Variants in CCDC13 observed in about 807,000 individuals in gnomAD.
CCDC13 encodes coiled-coil domain containing 13.
Under a neutral mutation model 87.3 loss-of-function variants are expected in CCDC13, and 70 were observed. The observed-to-expected ratio is 0.80, with a 90% confidence interval of 0.66 to 0.98. The LOEUF (loss-of-function observed/expected upper bound fraction) is 0.98, where lower values mean the gene tolerates loss of function less well. Among genes scored for constraint, CCDC13 ranks in the 50% least tolerant of loss-of-function variants. The pLI, the probability that CCDC13 is intolerant of heterozygous loss-of-function variation, is 0.00. For missense variants in CCDC13, 842 were observed against 892.0 expected (o/e 0.94, Z 0.71); for synonymous variants, 317 against 360.3 (o/e 0.88, Z 1.36).
chr3:42,722,374 C>G (rs923256817), intron 13 of CCDC13, among the ~76,000 whole-genome samples: 8 of 152,168 alleles, frequency 5.3e-5, no homozygotes, highest in Admixed American at 3.3e-4. Flanking sequence ...TGAACAAGAG[C>G]AACTCCATCT....
intron 1 of CCDC13, among the ~76,000 whole-genome samples, chr3:42,769,012 C>A (rs1699994860): frequency 6.6e-6 from 1 of 151,852 alleles, no homozygotes; most frequent in Non-Finnish European, 1.5e-5. Context: ...GTGGCAGGAG[C>A]CTGTAATCCC....
At chr3:42,749,397 C>T (rs1699513812) in intron 5 of CCDC13, among the ~76,000 whole-genome samples, 1 of 152,254 alleles carries the variant, frequency 6.6e-6, no homozygotes. Flanking sequence ...AGAACCTGGG[C>T]AGTGATGCCC....
intron 5 of CCDC13, 130 bp downstream of exon 5, chr3:42,751,806 A>G (rs1296408262): frequency 1.4e-5 from 10 of 722,368 alleles, no homozygotes; most frequent in Non-Finnish European, 2.4e-5. Context: ...GACAATGGGC[A>G]CCTGGCTCGG....
In CCDC13 at chr3:42,747,390, G is replaced by C; in HGVS notation, c.604-17C>G. 1.3e-6 allele frequency: 2 copies of C among 1,559,694 alleles called. No individual in the cohort carries two copies. Among genetic ancestry groups the C allele is most frequent in the African/African-American group, 2.7e-5 (2 of 73,900 alleles). On this transcript the variant is annotated splice_polypyrimidine_tract_variant and intron_variant, in intron 5 of 15. Coordinates refer to ENST00000310232, the MANE Select transcript of CCDC13 (RefSeq NM_144719.4). Reference sequence around the variant, plus strand: ...GGTCTCCAGCTGGTTGGGAAGGACAGGAGAGAAAGTAGTCATTTATTGCCT... The same window carrying C: ...GGTCTCCAGCTGGTTGGGAAGGACACGAGAGAAAGTAGTCATTTATTGCCT...
intron 13 of CCDC13, chr3:42,719,510 G>A (rs1159650609): frequency 6.6e-6 from 1 of 152,026 alleles, no homozygotes; most frequent in South Asian, 2.1e-4. Context: ...GTCTTAAGCT[G>A]CAGCGAATCT....
intron 3 of CCDC13, among the ~76,000 whole-genome samples, chr3:42,754,659 T>G (rs766606821): frequency 2.0e-5 from 3 of 152,144 alleles, no homozygotes; most frequent in Non-Finnish European, 4.4e-5. Flanking sequence ...GCAAGCATAT[T>G]GGGGAAGGAA....
At chr3:42,724,698 A>T (rs1698647860) in intron 13 of CCDC13, among the ~76,000 whole-genome samples, 1 of 152,200 alleles carries the variant, frequency 6.6e-6, no homozygotes, top group Admixed American at 6.5e-5. Flanking sequence ...ATTGATTTTC[A>T]TTGTATTTCA....
rs1698896345 is a variant in CCDC13, at chr3:42,733,482, A to C, written c.1499T>G (p.Leu500Arg). Reference sequence around the variant, plus strand: ...ATTGTTTTCTTACCGAGAAGATCCAAGCCTGCCAACATGATCGCCTGCTGA... The same window carrying C: ...ATTGTTTTCTTACCGAGAAGATCCACGCCTGCCAACATGATCGCCTGCTGA... ...PASAGDHVGRLGSSRSVTSLG... is the reference protein window; with the variant it reads ...PASAGDHVGRRGSSRSVTSLG... Residue 500 changes from leucine to arginine, a missense_variant, in exon 11 of 16, where the codon CTT becomes CGT. Leu to Arg is a moderately radical substitution (Grantham distance 102). Coordinates refer to ENST00000310232, the MANE Select transcript of CCDC13 (RefSeq NM_144719.4). The C allele has an allele frequency of 6.2e-7, 1 of 1,614,040 alleles. No individual in the cohort carries two copies. Among genetic ancestry groups the C allele is most frequent in the East Asian group, 2.2e-5 (1 of 44,856 alleles).
At chr3:42,714,242 T>C (rs1698380310) in intron 13 of CCDC13, 1 of 152,230 alleles carries the variant, frequency 6.6e-6, no homozygotes, top group African/African-American at 2.4e-5. Context: ...CAGGATAATC[T>C]TTCCATTTTA....
chr3:42,729,301 T>C (rs1698764301), intron 13 of CCDC13, among the ~76,000 whole-genome samples: 1 of 152,216 alleles, frequency 6.6e-6, no homozygotes, highest in African/African-American at 2.4e-5. Flanking sequence ...ATTCCAATTA[T>C]AGAAAAAGAA....
chr3:42,726,865 CAA>C (rs949121255), intron 13 of CCDC13, among the ~76,000 whole-genome samples: 8 of 151,686 alleles, frequency 5.3e-5, no homozygotes, highest in African/African-American at 1.5e-4. Context: ...GCTTCAAAGA[CAA>C]AGAGAATAAT....
At chr3:42,704,960 T>C (rs796310526), downstream of CCDC13, 1 of 152,382 alleles carries the variant, frequency 6.6e-6, no homozygotes, top group African/African-American at 2.4e-5. Flanking sequence ...GAAAGTATCC[T>C]GTGTGTTTGC....
At chr3:42,736,036 C>A (rs1699003663) in intron 9 of CCDC13, 123 bp from the exon 10 acceptor site, 1 of 848,864 alleles carries the variant, frequency 1.2e-6, no homozygotes, top group Admixed American at 2.3e-5. Flanking sequence ...GGATCCTGTT[C>A]CCTCGAGAGG....
rs1575318549 is a variant in CCDC13, at chr3:42,747,921, T to C, written c.604-548A>G. Among the ~76,000 whole-genome samples the C allele has an allele frequency of 2.0e-5, 3 of 152,334 alleles. No individual in the cohort carries two copies. The South Asian group carries it at 6.2e-4, about 32-fold the overall frequency. ...TCTCCCAGAATCGTCAGCTTGGGCC[T>C]TGGTCTTTTGACAGCTGAGGGGCCT... On this transcript the variant is annotated intron_variant, in intron 5 of 15. Coordinates refer to ENST00000310232, the MANE Select transcript of CCDC13 (RefSeq NM_144719.4).
intron 5 of CCDC13, among the ~76,000 whole-genome samples, chr3:42,750,463 G>A (rs921165778): frequency 6.6e-6 from 1 of 152,076 alleles, no homozygotes; most frequent in Admixed American, 6.6e-5. Flanking sequence ...GGTGGTTGTT[G>A]TAGTTGTTTG....
intron 14 of CCDC13, among the ~76,000 whole-genome samples, chr3:42,711,246 C>CAAAAAAAAAAAAAAAAAAAAAAAAAAAA (rs1174084143): frequency 9.3e-5 from 7 of 75,328 alleles, no homozygotes; most frequent in African/African-American, 2.8e-4. Flanking sequence ...ACTCTGTCTC[C>CAAAAAAAAAAAAAAAAAAAAAAAAAAAA]AAAAAAAAAA....
At chr3:42,715,212 G>C (rs1303280539) in intron 13 of CCDC13, among the ~76,000 whole-genome samples, 1 of 152,066 alleles carries the variant, frequency 6.6e-6, no homozygotes, top group Non-Finnish European at 1.5e-5. Context: ...GGGAGGCTGA[G>C]GCAGGAGAAT....
chr3:42,754,455 G>A (rs189884353), intron 3 of CCDC13, among the ~76,000 whole-genome samples: 50 of 152,298 alleles, frequency 3.3e-4, no homozygotes, highest in Non-Finnish European at 6.2e-4. Context: ...GGAGGGTAAC[G>A]GGGGTGGTGA....
intron 3 of CCDC13, among the ~76,000 whole-genome samples, chr3:42,756,008 C>G (rs1000375234): frequency 6.6e-6 from 1 of 152,106 alleles, no homozygotes; most frequent in Non-Finnish European, 1.5e-5. Context: ...ACAGAAAAGG[C>G]CAAAGAATGG....
Sources: allele counts gnomAD v4.1 joint callset (sites outside exome capture counted in the v4.1 genomes callset), GRCh38; gene constraint gnomAD v4.1.1; transcripts MANE v1.5; gene names NCBI Gene and HGNC (gene_info 2026-07-23, HGNC 2026-07-21).